Variants in TRPM6 observed in about 807,000 individuals in gnomAD.
TRPM6 encodes channel kinase 2.
Under a neutral mutation model 247.6 loss-of-function variants are expected in TRPM6, and 111 were observed. The observed-to-expected ratio is 0.45, with a 90% CI of 0.38 to 0.52. The LOEUF is 0.52. Among genes scored for constraint, TRPM6 ranks in the 20% least tolerant of loss-of-function variants. The pLI, the probability that TRPM6 is intolerant of heterozygous loss-of-function variation, is 0.00. For synonymous variants in TRPM6, 892 were observed against 853.8 expected, an observed-to-expected ratio of 1.04 and a Z score of -0.78; for missense variants, 2,126 against 2,421.5, an observed-to-expected ratio of 0.88 and a Z score of 2.56.
At chr9:74,849,674 T>C (rs1296521882) in intron 3 of TRPM6, among the ~76,000 whole-genome samples, 1 of 152,176 alleles carries the variant, frequency 6.6e-6, no homozygotes, top group Non-Finnish European at 1.5e-5. Context: ...GAACAGTGGA[T>C]TGTACCTGAC....
At chr9:74,822,057 T>G (rs1829148480) in intron 7 of TRPM6, among the ~76,000 whole-genome samples, 1 of 152,162 alleles carries the variant, frequency 6.6e-6, no homozygotes, top group Admixed American at 6.5e-5. Context: ...ATCTTCAAGC[T>G]TTTACCAGGT....
chr9:74,784,554 T>A (rs893426106), intron 21 of TRPM6, among the ~76,000 whole-genome samples: 6 of 151,518 alleles, frequency 4.0e-5, no homozygotes, highest in Non-Finnish European at 5.9e-5. Context: ...TAGGGGAGAG[T>A]CAGTGAGTGA....
chr9:74,802,226 G>A lies in TRPM6; in HGVS notation c.1732-51C>T, dbSNP rs781644240. 14 of 1,547,864 alleles carry A rather than the reference G, an allele frequency of 9.0e-6. No individual in the cohort carries two copies. In the Admixed American group the frequency reaches 2.4e-4, roughly 26 times the overall value. On this transcript the variant is annotated intron_variant, in intron 15 of 38. Transcript: ENST00000360774. ...GTTTTCAAATACTCAGATGTATGAT[G>A]TTTTACCTAATTCAACACAGCAGGT...
intron 15 of TRPM6, among the ~76,000 whole-genome samples, 190 bp downstream of exon 15, chr9:74,803,604 G>A (rs1458894670): frequency 6.6e-6 from 1 of 152,162 alleles, no homozygotes; most frequent in Admixed American, 6.5e-5. Context: ...TGCAAGTCCA[G>A]AGAATCACTG....
chr9:74,877,249 C>G (rs1488791100), intron 1 of TRPM6, among the ~76,000 whole-genome samples: 1 of 152,152 alleles, frequency 6.6e-6, no homozygotes, highest in South Asian at 2.1e-4. Flanking sequence ...AAACACATGT[C>G]TATACAAAAA....
intron 25 of TRPM6, among the ~76,000 whole-genome samples, chr9:74,765,691 T>TA (rs1335757370): frequency 2.0e-5 from 3 of 152,336 alleles, no homozygotes; most frequent in African/African-American, 7.2e-5. Flanking sequence ...ATGAAGAGTT[T>TA]AACACTCAGC....
intron 36 of TRPM6, among the ~76,000 whole-genome samples, chr9:74,735,753 A>G (rs1587452445): frequency 6.6e-6 from 1 of 152,080 alleles, no homozygotes; most frequent in East Asian, 1.9e-4. Flanking sequence ...GTGGAAAGAG[A>G]GCAAAAAACT....
chr9:74,828,034 TAA>T (rs1587550665), intron 6 of TRPM6, 85 bp from the exon 7 acceptor site: 2 of 1,389,748 alleles, frequency 1.4e-6, no homozygotes, highest in African/African-American at 2.9e-5. Context: ...CTTTATGTGC[TAA>T]AAGAGTTCCT....
At chr9:74,798,241 C>A (rs979566233) in intron 17 of TRPM6, among the ~76,000 whole-genome samples, 2 of 150,286 alleles carry the variant, frequency 1.3e-5, no homozygotes, top group South Asian at 4.2e-4. Flanking sequence ...TATGGTAAAC[C>A]GAAGTCATAT....
At chr9:74,809,715 A>G (rs1194414716) in intron 13 of TRPM6, among the ~76,000 whole-genome samples, 1 of 152,186 alleles carries the variant, frequency 6.6e-6, no homozygotes, top group African/African-American at 2.4e-5. Flanking sequence ...ACGATGGACC[A>G]TGCCTGTAAT....
At chr9:74,875,180 C>G (rs937421514) in intron 1 of TRPM6, 1 of 447,758 alleles carries the variant, frequency 2.2e-6, no homozygotes, top group Non-Finnish European at 4.5e-6. Flanking sequence ...GGTCAGACAA[C>G]AAAACTGATA....
chr9:74,752,389 G>T (rs776122542), intron 28 of TRPM6, 21 bp from the exon 29 acceptor site: 8 of 1,356,574 alleles, frequency 5.9e-6, no homozygotes, highest in Non-Finnish European at 8.3e-6. Flanking sequence ...GGAAGAGAAA[G>T]ATTAGAAAAT....
Position 74,775,796 on chromosome 9 carries a change from T to C in TRPM6, c.3403+87A>G, listed in dbSNP as rs773232448. ...GAACTCCCAGAGCCCCACAGTGCCC[T>C]GAACTTAATTTATAATACTCCAGTG... On this transcript the variant is annotated intron_variant, in intron 24 of 38. Transcript: ENST00000360774. 5.8e-5 allele frequency: 81 copies of C among 1,403,918 alleles called. 1 individual carries two copies. In the Admixed American group the frequency reaches 7.2e-4, roughly 12 times the overall value. 87.0% of individuals were successfully genotyped at this position (1,403,918 alleles called of 1,614,324 possible). A position where few individuals can be genotyped will look rare whatever the true frequency, so the allele number is the denominator to read the frequency against.
At chr9:74,884,844 G>A (rs747401992) in intron 1 of TRPM6, among the ~76,000 whole-genome samples, 1 of 152,090 alleles carries the variant, frequency 6.6e-6, no homozygotes, top group South Asian at 2.1e-4. Flanking sequence ...CCATCAAAAT[G>A]ATAGAAGAAA....
chr9:74,795,430 A>G (rs1828056290), intron 18 of TRPM6, among the ~76,000 whole-genome samples: 1 of 152,186 alleles, frequency 6.6e-6, no homozygotes, highest in Non-Finnish European at 1.5e-5. Context: ...CCATTCCTAC[A>G]AGTACTCCCA....
rs758809239 is a variant in TRPM6 at position 74,762,869 on chromosome 9, C to T, written c.3802G>A (p.Ala1268Thr). The T allele has an allele frequency of 2.7e-5, 44 of 1,613,764 alleles. No homozygotes were observed. The highest frequency in any genetic ancestry group is 3.6e-5 in the Non-Finnish European group (42 of 1,179,900). ...CAEVLGSMEI[A>T]GEKKYQYYSM... is the part of the protein sequence containing the mutation. The stretch of plus-strand genomic sequence containing the variant: ...TAATACTGGTATTTCTTCTCTCCAG[C>T]GATCTCCATGCTGCCTAGAACCTCT... The change falls in exon 26 of 39, where the codon GCT (alanine) becomes ACT (threonine). Residue 1268 changes from alanine to threonine, a missense_variant. This residue lies in a region of TRPM6 where 717 missense variants were observed against 715.9 expected (regional missense o/e 1.00). Coordinates refer to ENST00000360774, the MANE Select transcript of TRPM6 (RefSeq NM_017662.5).
Position 74,752,449 on chromosome 9 carries a change from G to GAACACAGTACATTCATTTA in TRPM6, c.4907-100_4907-82dup, listed in dbSNP as rs1490634100. On this transcript the variant is annotated intron_variant, in intron 28 of 38. Coordinates refer to ENST00000360774, the MANE Select transcript of TRPM6 (RefSeq NM_017662.5). ...TCACAGTTCCCAAATAGAAAAATCT[G>GAACACAGTACATTCATTTA]AACACAGTACATTCATTTAAACTTG... The GAACACAGTACATTCATTTA allele has an allele frequency of 3.7e-6, 3 of 805,056 alleles. No individual in the cohort carries two copies. In the African/African-American group the frequency reaches 5.1e-5, roughly 14 times the overall value. 49.9% of individuals were successfully genotyped at this position (805,056 alleles called of 1,614,324 possible). A position where few individuals can be genotyped will look rare whatever the true frequency, so the allele number is the denominator to read the frequency against.
chr9:74,847,846 C>T (rs1830161046), intron 3 of TRPM6, among the ~76,000 whole-genome samples: 1 of 151,890 alleles, frequency 6.6e-6, no homozygotes, highest in Non-Finnish European at 1.5e-5. Flanking sequence ...GTTATGAAGC[C>T]CGTCTCAAGA....
intron 13 of TRPM6, among the ~76,000 whole-genome samples, chr9:74,809,988 A>AC (rs1014268502): frequency 4.1e-5 from 6 of 147,206 alleles, no homozygotes; most frequent in African/African-American, 1.2e-4. Flanking sequence ...AAAAAAAAAA[A>AC]AAAAAAAAAA....
Sources: allele counts gnomAD v4.1 joint callset (sites outside exome capture counted in the v4.1 genomes callset), GRCh38; gene constraint gnomAD v4.1.1; regional missense constraint gnomAD v4.1.1; transcripts MANE v1.5; gene names NCBI Gene and HGNC (gene_info 2026-07-23, HGNC 2026-07-21).